The following RASEF variants were observed in gnomAD, a reference collection of about 807,000 sequenced individuals.
The protein encoded by RASEF is ras and EF-hand domain-containing protein.
Under a neutral mutation model 90.1 loss-of-function variants are expected in RASEF, and 68 were observed. The observed-to-expected ratio is 0.75, with a 90% CI of 0.62 to 0.92. RASEF has a LOEUF of 0.92. Among genes scored for constraint, RASEF ranks in the 40% least tolerant of loss-of-function variants. The pLI is 0.00. For synonymous variants in RASEF, 331 were observed against 345.2 expected, an observed-to-expected ratio of 0.96 and a Z score of 0.46; for missense variants, 949 against 937.2, an observed-to-expected ratio of 1.01 and a Z score of -0.16.
At chr9:83,065,644 TAC>T (rs1830276709), upstream of RASEF, among the ~76,000 whole-genome samples, 1 of 152,196 alleles carries the variant, frequency 6.6e-6, no homozygotes, top group Non-Finnish European at 1.5e-5. Flanking sequence ...TGTTACAATA[TAC>T]CATACCTAAG....
the RASEF span, among the ~76,000 whole-genome samples, chr9:83,161,573 G>A: frequency 9.9e-5 from 15 of 152,090 alleles, no homozygotes; most frequent in Admixed American, 6.5e-4. Flanking sequence ...CCAATGAGAC[G>A]TTGGACTGTG....
chr9:83,218,267 T>C, the RASEF span, among the ~76,000 whole-genome samples: 1 of 152,300 alleles, frequency 6.6e-6, no homozygotes, highest in Admixed American at 6.5e-5. Context: ...TGCGCCTCCC[T>C]TTCCTCTTCT....
At chr9:83,208,755 A>C in the RASEF span, among the ~76,000 whole-genome samples, 1 of 152,162 alleles carries the variant, frequency 6.6e-6, no homozygotes, top group Non-Finnish European at 1.5e-5. Flanking sequence ...GCCATTTCTG[A>C]CAAGTTGTTC....
In RASEF at chr9:82,989,717, T is replaced by C. The variant is rs138376579; in HGVS notation, c.2117+674A>G. On this transcript the variant is annotated intron_variant, in intron 16 of 16. Coordinates refer to ENST00000376447, the MANE Select transcript of RASEF (RefSeq NM_152573.4). Reference sequence around the variant, plus strand: ...AAAGATGATTGCTCTGAAATTTGTATTGCACATTTTGATTTTTTTCCTTTT... The same window carrying C: ...AAAGATGATTGCTCTGAAATTTGTACTGCACATTTTGATTTTTTTCCTTTT... 7.1e-3 allele frequency among the ~76,000 whole-genome samples: 1,076 copies of C among 152,310 alleles called. 14 individuals are homozygous for C. The highest frequency in any genetic ancestry group is 0.025 in the African/African-American group (1,019 of 41,572).
chr9:83,054,500 G>A (rs1399830603), intron 1 of RASEF, among the ~76,000 whole-genome samples: 12 of 128,192 alleles, frequency 9.4e-5, no homozygotes, highest in Admixed American at 5.6e-4. Context: ...ATGTCCTCCC[G>A]TAGCTCAGAG....
At chr9:83,091,549 T>C in the RASEF span, among the ~76,000 whole-genome samples, 2 of 152,104 alleles carry the variant, frequency 1.3e-5, no homozygotes, top group African/African-American at 2.4e-5. Context: ...AGGGAGACAC[T>C]GACTGAAAAA....
the RASEF span, among the ~76,000 whole-genome samples, chr9:83,119,208 G>A: frequency 2.0e-5 from 3 of 149,010 alleles, no homozygotes; most frequent in East Asian, 2.0e-4. Context: ...TGGTAGAGAC[G>A]GGGTTTCAGC....
the RASEF span, among the ~76,000 whole-genome samples, chr9:83,150,531 G>A: frequency 6.6e-6 from 1 of 151,876 alleles, no homozygotes. Flanking sequence ...TATACCACAA[G>A]GGCAAATTAT....
chr9:82,991,435 G>C (rs1828812812), intron 15 of RASEF, among the ~76,000 whole-genome samples: 1 of 152,156 alleles, frequency 6.6e-6, no homozygotes. Flanking sequence ...TGTCTGACTA[G>C]CTGGAGACAT....
At chr9:83,020,558 T>C (rs919006126) in intron 3 of RASEF, among the ~76,000 whole-genome samples, 2 of 152,080 alleles carry the variant, frequency 1.3e-5, no homozygotes, top group Non-Finnish European at 2.9e-5. Flanking sequence ...CGTGCTGAGG[T>C]GTGGAGACCA....
At chr9:83,158,612 A>G in the RASEF span, among the ~76,000 whole-genome samples, 13 of 141,700 alleles carry the variant, frequency 9.2e-5, no homozygotes, top group African/African-American at 3.5e-4. Flanking sequence ...ATATACATAT[A>G]TGTATATATG....
At chr9:83,014,475 A>AATTT (rs1219954685) in intron 4 of RASEF, among the ~76,000 whole-genome samples, 14 of 151,864 alleles carry the variant, frequency 9.2e-5, no homozygotes, top group African/African-American at 3.4e-4. Context: ...TAATTTTTAA[A>AATTT]ATTTATTTAT....
At chr9:83,162,986 T>A in the RASEF span, among the ~76,000 whole-genome samples, 1 of 152,198 alleles carries the variant, frequency 6.6e-6, no homozygotes, top group Non-Finnish European at 1.5e-5. Context: ...AATGTAACCA[T>A]TTTGAAATAT....
At chr9:83,080,508 A>T in the RASEF span, among the ~76,000 whole-genome samples, 25 of 152,324 alleles carry the variant, frequency 1.6e-4, 1 homozygote, top group East Asian at 4.8e-3. Flanking sequence ...TTCACATAAC[A>T]TACTAAGGAG....
chr9:83,205,272 TG>T, the RASEF span, among the ~76,000 whole-genome samples: 1 of 152,234 alleles, frequency 6.6e-6, no homozygotes, highest in Non-Finnish European at 1.5e-5. Flanking sequence ...AGTACTGAAT[TG>T]ATATCACTGT....
chr9:83,121,362 A>G, the RASEF span, among the ~76,000 whole-genome samples: 4 of 152,086 alleles, frequency 2.6e-5, no homozygotes, highest in Non-Finnish European at 5.9e-5. Flanking sequence ...GAAAGGTTTT[A>G]GGTATATGTT....
intron 5 of RASEF, among the ~76,000 whole-genome samples, chr9:83,011,564 A>AAAAAC (rs1422138700): frequency 6.6e-6 from 1 of 150,462 alleles, no homozygotes; most frequent in Non-Finnish European, 1.5e-5. Flanking sequence ...AAAAAAAAAA[A>AAAAAC]AAAAAAAAAA....
chr9:83,187,647 A>G, the RASEF span, among the ~76,000 whole-genome samples: 1,263 of 152,288 alleles, frequency 8.3e-3, 26 homozygotes, highest in African/African-American at 0.028. Context: ...CTGTTATTTC[A>G]GGTCTCTGTA....
At chr9:83,104,408 T>G in the RASEF span, among the ~76,000 whole-genome samples, 13 of 152,208 alleles carry the variant, frequency 8.5e-5, no homozygotes, top group African/African-American at 3.1e-4. Flanking sequence ...AATGTCTTCA[T>G]GGTTAAGAAA....
Sources: allele counts gnomAD v4.1 joint callset (sites outside exome capture counted in the v4.1 genomes callset), GRCh38; gene constraint gnomAD v4.1.1; transcripts MANE v1.5; gene names NCBI Gene and HGNC (gene_info 2026-07-23, HGNC 2026-07-21).